Variants in POLR2F observed in about 807,000 individuals in gnomAD.
POLR2F encodes the protein RNA polymerase II, I and III subunit F, also known as DNA-directed RNA polymerases I, II, and III subunit RPABC2.
In POLR2F, 12 loss-of-function variants were observed where a neutral mutation model predicts 22.7. That is an observed-to-expected ratio of 0.53 (90% CI 0.34 to 0.86). POLR2F has a LOEUF of 0.86. POLR2F is among the 40% of genes least tolerant of loss of function. The probability of loss-of-function intolerance (pLI) is 0.02; values close to 1 mark genes in which losing one functional copy is unlikely to be tolerated. For synonymous variants in POLR2F, 57 were observed against 66.0 expected (o/e 0.86, Z 0.66); for missense variants, 126 against 171.5 (o/e 0.73, Z 1.48).
chr22:37,962,112 T>C (rs1931666989), intron 3 of POLR2F, among the ~76,000 whole-genome samples: 1 of 152,016 alleles, frequency 6.6e-6, no homozygotes, highest in South Asian at 2.1e-4. Flanking sequence ...GCGCCTGTAG[T>C]CCCAGCTACT....
At chr22:37,988,500 A>G (rs1932649551) in intron 1 of POLR2F, among the ~76,000 whole-genome samples, 1 of 149,092 alleles carries the variant, frequency 6.7e-6, no homozygotes, top group Admixed American at 6.7e-5. Flanking sequence ...AAAATACAAA[A>G]ATTAACTGGG....
At chr22:37,956,022 T>G (rs1931380097) in intron 1 of POLR2F, among the ~76,000 whole-genome samples, 1 of 152,026 alleles carries the variant, frequency 6.6e-6, no homozygotes, top group Admixed American at 6.6e-5. Context: ...GAGTGCTTCC[T>G]ACATACTGGG....
exon 2 of POLR2F, chr22:38,025,870 G>T: frequency 1.0e-6 from 1 of 983,502 alleles, no homozygotes. Context: ...CCTCCCCAGG[G>T]CTGGGACCGT....
At position 37,997,944 on chromosome 22, in the gene POLR2F, G is replaced by A. The variant is rs897807265; in HGVS notation, c.120+11632G>A. Among the ~76,000 whole-genome samples the A allele has an allele frequency of 1.3e-5, 2 of 152,204 alleles. No individual in the cohort carries two copies. The highest frequency in any genetic ancestry group is 6.5e-5 in the Admixed American group (1 of 15,286). On this transcript the variant is annotated intron_variant, in intron 1 of 2. Coordinates refer to the POLR2F transcript ENST00000333418. The surrounding 1 kb of genome is among the most constrained non-coding windows in gnomAD (Gnocchi z 4.4). ...ATCTCCTGGCGCGAGAGCCAGGGTTGCCCAGATTGATGGAAGAGCAGGTGT... is the reference window on the plus strand; with the variant it reads ...ATCTCCTGGCGCGAGAGCCAGGGTTACCCAGATTGATGGAAGAGCAGGTGT...
intron 4 of POLR2F, among the ~76,000 whole-genome samples, chr22:37,977,705 C>T (rs916274865): frequency 6.6e-6 from 1 of 152,172 alleles, no homozygotes; most frequent in Non-Finnish European, 1.5e-5. Context: ...CCCCTGGCAC[C>T]GGAACCCCCA....
chr22:37,986,263 A>G lies in POLR2F; in HGVS notation c.73A>G (p.Thr25Ala), dbSNP rs1173155939. ...CGGCTGCCCTGCAGTCGCCTCCAAC[A>G]CCCGCTGCTGCCCGCCCGCTGCCTG... Residue 25 changes from threonine (T) to alanine (A), a missense_variant, in exon 1 of 3, where the codon ACC (threonine) becomes GCC (alanine). Physicochemically the swap from Thr to Ala is moderately conservative, Grantham distance 58 (BLOSUM62 0). Coordinates refer to the POLR2F transcript ENST00000333418. The surrounding 1 kb of genome is among the most constrained non-coding windows in gnomAD (Gnocchi z 4.7). The G allele has an allele frequency of 4.6e-6, 7 of 1,537,408 alleles. No homozygotes were observed. The highest frequency in any genetic ancestry group is 4.9e-5 in the East Asian group (2 of 40,842).
At chr22:38,006,689 G>A (rs2084824380) in intron 1 of POLR2F, among the ~76,000 whole-genome samples, 1 of 152,202 alleles carries the variant, frequency 6.6e-6, no homozygotes. Flanking sequence ...CCCCCAGGAA[G>A]GGCCTGGCTT....
chr22:38,010,414 G>GAC (rs1333139294), intron 1 of POLR2F, among the ~76,000 whole-genome samples: 1 of 151,360 alleles, frequency 6.6e-6, no homozygotes, highest in Non-Finnish European at 1.5e-5. Context: ...GAGAGAGAGA[G>GAC]ACAGAGAGAG....
chr22:37,970,429 T>C (rs1045498402), downstream of POLR2F, among the ~76,000 whole-genome samples: 12 of 132,114 alleles, frequency 9.1e-5, no homozygotes, highest in African/African-American at 3.4e-4. Flanking sequence ...GGTGAAACCC[T>C]GTCTCTACTT....
chr22:37,968,194 G>A lies in POLR2F; in HGVS notation c.*479G>A. 3 of 985,516 alleles carry A rather than the reference G, an allele frequency of 3.0e-6. No individual in the cohort carries two copies. The highest frequency in any genetic ancestry group is 3.6e-6 in the Non-Finnish European group (3 of 830,026). 61.0% of individuals were successfully genotyped at this position (985,516 alleles called of 1,614,324 possible). A position where few individuals can be genotyped will look rare whatever the true frequency, so the allele number is the denominator to read the frequency against. ...ACCTGCTTCGAGCCTCTTATCGTGG[G>A]CTCGGATCCCCTTTCAGGAGCAGTG... On this transcript the variant is annotated 3_prime_UTR_variant, in exon 5 of 5. Transcript: ENST00000442738.
downstream of POLR2F, chr22:38,041,329 C>T (rs564924585): frequency 1.1e-4 from 68 of 598,042 alleles, 1 homozygote; most frequent in Middle Eastern, 2.7e-3. Flanking sequence ...ATTCCATCTC[C>T]TGAGTGAGGG....
chr22:37,983,374 C>T (rs762146254), upstream of POLR2F: 1 of 1,608,854 alleles, frequency 6.2e-7, no homozygotes, highest in Non-Finnish European at 8.5e-7. The surrounding 1 kb of genome is among the most constrained non-coding windows in gnomAD (Gnocchi z 9.5). Flanking sequence ...GCTTGCCCAG[C>T]GTCTTGCTGA....
chr22:37,979,062 C>G (rs905054850), intron 4 of POLR2F, among the ~76,000 whole-genome samples: 52 of 151,836 alleles, frequency 3.4e-4, no homozygotes, highest in Non-Finnish European at 5.9e-5. Context: ...CAGGCATGAG[C>G]CATTGTGCCC....
chr22:37,976,557 C>T (rs550999574), intron 4 of POLR2F, among the ~76,000 whole-genome samples: 1 of 152,306 alleles, frequency 6.6e-6, no homozygotes, highest in East Asian at 1.9e-4. Flanking sequence ...ATGTGGCAGA[C>T]CTGTGTGTGT....
Position 38,038,381 on chromosome 22 carries a change from G to T in POLR2F, c.453-2687G>T, listed in dbSNP as rs73886246. 9.6e-3 allele frequency among the ~76,000 whole-genome samples: 1,463 copies of T among 152,264 alleles called. 27 individuals are homozygous for T. Among genetic ancestry groups the T allele is most frequent in the African/African-American group, 0.034 (1,418 of 41,540 alleles). ...CAGCTTGGGGGAAAGGACCAGGCCG[G>T]GCCCAGGCAGGTGGAAGCCATGGCT... is the stretch of plus-strand genomic sequence containing the variant. On this transcript the variant is annotated intron_variant, in intron 5 of 5. Transcript: ENST00000407936.
At chr22:37,982,594 C>T (rs1378234753), upstream of POLR2F, among the ~76,000 whole-genome samples, 1 of 152,100 alleles carries the variant, frequency 6.6e-6, no homozygotes, top group Admixed American at 6.5e-5. Flanking sequence ...GTGCTCAGCT[C>T]CAGCTCTGGG....
chr22:37,985,565 T>G (rs1932545427), upstream of POLR2F, among the ~76,000 whole-genome samples: 1 of 151,912 alleles, frequency 6.6e-6, no homozygotes, highest in South Asian at 2.1e-4. Context: ...GAGGCCGAGG[T>G]GGGGTGTATG....
chr22:37,980,193 C>T lies in POLR2F; in HGVS notation c.293+13023C>T, dbSNP rs1932353661. ...AGTCAGGGAGTGGGATGTGGGCACC[C>T]TCTCTGACGGCTGGGACCAGGGGAG... On this transcript the variant is annotated intron_variant, in intron 4 of 4. Coordinates refer to the POLR2F transcript ENST00000405557. The surrounding 1 kb of genome is among the most constrained non-coding windows in gnomAD (Gnocchi z 4.1). Among the ~76,000 whole-genome samples the T allele has an allele frequency of 6.6e-6, 1 of 152,100 alleles. No homozygotes were observed. The highest frequency in any genetic ancestry group is 6.5e-5 in the Admixed American group (1 of 15,272).
chr22:37,964,205 G>A (rs1931762912), intron 3 of POLR2F, among the ~76,000 whole-genome samples: 1 of 152,136 alleles, frequency 6.6e-6, no homozygotes, highest in Non-Finnish European at 1.5e-5. Flanking sequence ...CAAGGCAGAT[G>A]CGAGTGGTGC....
Sources: gnomAD v4.1 joint callset for allele counts (sites outside exome capture counted in the v4.1 genomes callset) on GRCh38, gnomAD v4.1.1 for gene constraint, Gnocchi (gnomAD v3.1) non-coding constraint, MANE v1.5 for transcripts, NCBI Gene and HGNC (gene_info 2026-07-23, HGNC 2026-07-21) for gene names.